The following PCSK6 variants were observed in gnomAD, a reference collection of about 807,000 sequenced individuals.
PCSK6 encodes proprotein convertase subtilisin/kexin type 6.
Under a neutral mutation model 123.3 loss-of-function variants are expected in PCSK6, and 85 were observed. The ratio of observed to expected loss-of-function variants is 0.69; its 90% CI spans 0.58 to 0.83. The LOEUF is 0.83. PCSK6 is among the 40% of genes least tolerant of loss of function. The probability of loss-of-function intolerance (pLI) is 0.00; values close to 1 mark genes in which losing one functional copy is unlikely to be tolerated. For synonymous variants in PCSK6, 508 were observed against 516.0 expected (o/e 0.98, Z 0.21); for missense variants, 1,191 against 1,282.3 (o/e 0.93, Z 1.09).
intron 21 of PCSK6, 91 bp downstream of exon 21, chr15:101,307,122 G>A: frequency 1.1e-6 from 1 of 876,018 alleles, no homozygotes; most frequent in Non-Finnish European, 1.9e-6. Flanking sequence ...GAGCCGCCAT[G>A]CCTATGTGGC....
At chr15:101,327,185 T>G (rs1035993138) in intron 15 of PCSK6, among the ~76,000 whole-genome samples, 2 of 152,156 alleles carry the variant, frequency 1.3e-5, no homozygotes, top group African/African-American at 4.8e-5. Flanking sequence ...ACGGCAGCTG[T>G]GTCTTCCCTC....
rs747848444 is a variant in PCSK6, at chr15:101,393,164, G to C, written c.1209+48C>G. The C allele has an allele frequency of 7.2e-6, 10 of 1,396,162 alleles. No homozygotes were observed. In the Admixed American group the frequency reaches 1.9e-4, roughly 26 times the overall value. 86.5% of individuals were successfully genotyped at this position (1,396,162 alleles called of 1,614,324 possible). A position where few individuals can be genotyped will look rare whatever the true frequency, so the allele number is the denominator to read the frequency against. ...AAGGGAGAAGAAACTCATTCCCAGAGGGCTGAGGCACTCACTGTAAGCACT... is the reference window on the plus strand; with the variant it reads ...AAGGGAGAAGAAACTCATTCCCAGACGGCTGAGGCACTCACTGTAAGCACT... On this transcript the variant is annotated intron_variant, in intron 8 of 21. Coordinates refer to ENST00000611716, the MANE Select transcript of PCSK6 (RefSeq NM_002570.5).
chr15:101,447,933 T>A (rs2056934529), intron 1 of PCSK6, among the ~76,000 whole-genome samples: 1 of 152,206 alleles, frequency 6.6e-6, no homozygotes, highest in Admixed American at 6.5e-5. Context: ...TTCCCTCGAT[T>A]ATAGAAGGGA....
At chr15:101,343,214 C>T (rs576492305) in intron 13 of PCSK6, among the ~76,000 whole-genome samples, 6 of 145,230 alleles carry the variant, frequency 4.1e-5, no homozygotes, top group South Asian at 4.3e-4. Context: ...TATAATCATG[C>T]GTTTTTCTTT....
chr15:101,354,240 CCACATATA>C (rs2040977919), intron 13 of PCSK6, among the ~76,000 whole-genome samples: 1 of 152,108 alleles, frequency 6.6e-6, no homozygotes, highest in Non-Finnish European at 1.5e-5. Flanking sequence ...TACCTAATGC[CCACATATA>C]CACACATACA....
Position 101,322,625 on chromosome 15 carries a change from G to A in PCSK6, c.2378-18C>T. 6.6e-7 allele frequency: 1 copy of A among 1,509,490 alleles called. No individual in the cohort carries two copies. The highest frequency in any genetic ancestry group is 1.4e-5 in the African/African-American group (1 of 72,948). 93.5% of individuals were successfully genotyped at this position (1,509,490 alleles called of 1,614,324 possible). On this transcript the variant is annotated intron_variant, in intron 17 of 21. Transcript: ENST00000611716. ...TTTCTGACCTGGAGAAAAATAGCGA[G>A]ATAAGAAAAGAGAAGGGACGACACT...
rs542458554 is a variant in PCSK6, at chr15:101,384,004, C to A, written c.1414+318G>T. 30 of 626,120 alleles carry A rather than the reference C, an allele frequency of 4.8e-5. 1 individual carries two copies. The East Asian group carries it at 3.1e-3, about 65-fold the overall frequency. 38.8% of individuals were successfully genotyped at this position (626,120 alleles called of 1,614,324 possible). A position where few individuals can be genotyped will look rare whatever the true frequency, so the allele number is the denominator to read the frequency against. On this transcript the variant is annotated intron_variant, in intron 10 of 21. Transcript: ENST00000611716. ...CCTGCCTCAACTTCCCTAGTAGCTG[C>A]GACTATAGGCACACGTCATTGCTCC...
intron 9 of PCSK6, among the ~76,000 whole-genome samples, chr15:101,387,108 G>A (rs879797968): frequency 3.9e-5 from 6 of 152,114 alleles, no homozygotes; most frequent in African/African-American, 7.2e-5. Flanking sequence ...CTTCCTCACC[G>A]TCTCTCCCCG....
intron 2 of PCSK6, among the ~76,000 whole-genome samples, chr15:101,435,652 G>A (rs1299119314): frequency 6.6e-6 from 1 of 152,206 alleles, no homozygotes; most frequent in East Asian, 1.9e-4. Context: ...CATGAAGAAG[G>A]CTTCATCGTC....
chr15:101,370,419 G>A lies in PCSK6; in HGVS notation c.1637C>T (p.Thr546Ile). ...TCCTCGGCGTGGGTGTGAGATGGAG[G>A]TGCGAACCACCACGTGCTCCAAGTA... ...VVYLEHVVVR[T>I]SISHPRRGDL... is the part of the protein sequence containing the mutation. The change falls in exon 12 of 22, where the codon ACC becomes ATC. Residue 546 changes from threonine to isoleucine, a missense_variant. Physicochemically the swap from Thr to Ile is moderately conservative, Grantham distance 89 (BLOSUM62 -1). This residue lies in a region of PCSK6 where 630 missense variants were observed against 631.4 expected (regional missense o/e 1.00). Coordinates refer to ENST00000611716, the MANE Select transcript of PCSK6 (RefSeq NM_002570.5). 6.4e-7 allele frequency: 1 copy of A among 1,552,496 alleles called. No individual in the cohort carries two copies.
intron 1 of PCSK6, among the ~76,000 whole-genome samples, chr15:101,480,117 G>A (rs952494513): frequency 1.3e-5 from 2 of 152,224 alleles, no homozygotes; most frequent in African/African-American, 2.4e-5. Context: ...CCCCCAGGGC[G>A]GTCTGGCTGA....
At chr15:101,317,168 T>G (rs557597873) in intron 19 of PCSK6, among the ~76,000 whole-genome samples, 92 of 152,272 alleles carry the variant, frequency 6.0e-4, no homozygotes, top group African/African-American at 2.2e-3. Context: ...CGCCTTGGCC[T>G]CCCAAAGTGC....
chr15:101,489,522 C>A lies in PCSK6; in HGVS notation c.149G>T (p.Arg50Leu). 9.7e-7 allele frequency: 1 copy of A among 1,025,750 alleles called. No homozygotes were observed. The highest frequency in any genetic ancestry group is 1.7e-5 in the African/African-American group (1 of 57,232). The allele number at this position is 1,025,750 out of a possible 1,614,324, so 63.5% of individuals were successfully genotyped here. A position where few individuals can be genotyped will look rare whatever the true frequency, so the allele number is the denominator to read the frequency against. ...GFRPLAPRPW[R>L]WLLLLALPAA... is the part of the protein sequence containing the mutation. ...AGGCAGCGCCAGCAGCAGCAGCCAG[C>A]GCCAGGGACGCGGCGCGAGCGGCCG... Residue 50 changes from arginine to leucine, a missense_variant, in exon 1 of 22, where the codon CGC becomes CTC. Transcript: ENST00000611716.
At chr15:101,406,783 G>T (rs955260189) in intron 6 of PCSK6, among the ~76,000 whole-genome samples, 2 of 152,034 alleles carry the variant, frequency 1.3e-5, no homozygotes, top group African/African-American at 4.8e-5. Context: ...GACGCGCGGG[G>T]GATCACCAAG....
intron 13 of PCSK6, among the ~76,000 whole-genome samples, chr15:101,342,242 C>A (rs1338631287): frequency 1.3e-5 from 2 of 150,908 alleles, no homozygotes. Context: ...ACCATTACAG[C>A]ACAAATGAGG....
At chr15:101,367,373 T>A (rs1285918077) in intron 12 of PCSK6, among the ~76,000 whole-genome samples, 1 of 152,246 alleles carries the variant, frequency 6.6e-6, no homozygotes, top group African/African-American at 2.4e-5. Flanking sequence ...TTATTGTTCA[T>A]CAGAAATTGA....
At chr15:101,405,007 G>A (rs1203932779) in intron 6 of PCSK6, among the ~76,000 whole-genome samples, 8 of 152,114 alleles carry the variant, frequency 5.3e-5, no homozygotes, top group Admixed American at 5.2e-4. Context: ...TTTTCATCTT[G>A]GAAAAAGACT....
intron 12 of PCSK6, among the ~76,000 whole-genome samples, chr15:101,367,976 C>A (rs1363372973): frequency 6.6e-6 from 1 of 152,220 alleles, no homozygotes; most frequent in Admixed American, 6.5e-5. Flanking sequence ...AGGTGCGTGC[C>A]ACCACGCCCA....
At chr15:101,477,631 A>C (rs1317311750) in intron 1 of PCSK6, among the ~76,000 whole-genome samples, 2 of 152,204 alleles carry the variant, frequency 1.3e-5, no homozygotes, top group East Asian at 3.9e-4. Context: ...TATTGCAAAA[A>C]TATTCTGTAT....
Sources: gnomAD v4.1 joint callset for allele counts (sites outside exome capture counted in the v4.1 genomes callset) on GRCh38, gnomAD v4.1.1 for gene constraint, gnomAD v4.1.1 regional missense constraint, MANE v1.5 for transcripts, NCBI Gene and HGNC (gene_info 2026-07-23, HGNC 2026-07-21) for gene names.